The following PDCD6IP variants were observed in gnomAD, a reference collection of about 807,000 sequenced individuals.
PDCD6IP encodes programmed cell death 6 interacting protein.
PDCD6IP carries 43 observed loss-of-function variants against 103.7 expected under a neutral mutation model. The observed-to-expected ratio is 0.41, with a 90% CI of 0.32 to 0.53. The LOEUF is 0.53. PDCD6IP is among the 20% of genes least tolerant of loss of function. The pLI is 0.16. For synonymous variants in PDCD6IP, 354 were observed against 378.7 expected, an observed-to-expected ratio of 0.93 and a Z score of 0.76; for missense variants, 871 against 1,036.7, an observed-to-expected ratio of 0.84 and a Z score of 2.20.
chr3:33,800,503 T>G (rs2125538749), intron 1 of PDCD6IP, among the ~76,000 whole-genome samples: 1 of 152,250 alleles, frequency 6.6e-6, no homozygotes, highest in Admixed American at 6.5e-5. Flanking sequence ...GGGTTGGTTC[T>G]CCGAAGGAAG....
intron 7 of PDCD6IP, chr3:33,835,150 T>A (rs1299719118): frequency 2.2e-6 from 1 of 451,612 alleles, no homozygotes; most frequent in East Asian, 7.0e-5. Context: ...CCTAAATTTG[T>A]ATGCGGCTTA....
At chr3:33,821,084 G>C (rs1696980700) in intron 3 of PDCD6IP, among the ~76,000 whole-genome samples, 1 of 152,054 alleles carries the variant, frequency 6.6e-6, no homozygotes, top group East Asian at 1.9e-4. Context: ...ATAGCTCACT[G>C]CAGCCTTGAA....
chr3:33,830,198 T>C (rs1479699047), intron 7 of PDCD6IP, among the ~76,000 whole-genome samples: 4 of 152,298 alleles, frequency 2.6e-5, no homozygotes, highest in African/African-American at 9.6e-5. Context: ...AGTGACCAAA[T>C]CAGAGAAAGT....
chr3:33,826,978 T>G, intron 6 of PDCD6IP: 6 of 994,880 alleles, frequency 6.0e-6, no homozygotes, highest in Non-Finnish European at 7.2e-6. Flanking sequence ...AGATGAGCCT[T>G]AAAGCGCAAA....
chr3:33,812,629 T>C (rs1295866325), intron 2 of PDCD6IP, among the ~76,000 whole-genome samples: 1 of 152,244 alleles, frequency 6.6e-6, no homozygotes, highest in Non-Finnish European at 1.5e-5. Context: ...TTTTGGAGAT[T>C]GGATAAAGAT....
intron 3 of PDCD6IP, among the ~76,000 whole-genome samples, chr3:33,814,105 T>C (rs1431639254): frequency 6.6e-6 from 1 of 152,010 alleles, no homozygotes; most frequent in Non-Finnish European, 1.5e-5. Context: ...AATTTTCTTA[T>C]CTGTGAAATG....
intron 1 of PDCD6IP, among the ~76,000 whole-genome samples, chr3:33,808,256 A>C (rs1359196716): frequency 6.6e-6 from 1 of 152,214 alleles, no homozygotes; most frequent in East Asian, 1.9e-4. Flanking sequence ...AGGGGCAACT[A>C]ATTTTAAAAA....
At chr3:33,863,960 A>C (rs1249407278) in intron 15 of PDCD6IP, 46 bp from the exon 16 acceptor site, 1 of 1,292,350 alleles carries the variant, frequency 7.7e-7, no homozygotes, top group African/African-American at 1.5e-5. Flanking sequence ...TATGTGTGTT[A>C]ATTTTTTTCT....
intron 15 of PDCD6IP, among the ~76,000 whole-genome samples, chr3:33,863,056 G>A (rs28577228): frequency 0.3 from 44,810 of 151,834 alleles, 6,850 homozygotes; most frequent in East Asian, 0.41. Context: ...AGTATATTTT[G>A]TTTTTTTCAG....
chr3:33,813,340 C>G, intron 2 of PDCD6IP: 1 of 426,388 alleles, frequency 2.3e-6, no homozygotes, highest in Non-Finnish European at 4.2e-6. Flanking sequence ...TTTATGATTA[C>G]CAAGGCAGAA....
chr3:33,842,037 C>A lies in PDCD6IP; in HGVS notation c.1322C>A (p.Pro441His), dbSNP rs747564125. 11 of 1,612,892 alleles carry A rather than the reference C, an allele frequency of 6.8e-6. No homozygotes were observed. Among genetic ancestry groups the A allele is most frequent in the Non-Finnish European group, 9.3e-6 (11 of 1,179,314 alleles). Residue 441 changes from proline to histidine, a missense_variant, in exon 10 of 18, where the codon CCT (proline) becomes CAT (histidine). Pro to His is a moderately conservative substitution (Grantham distance 77). Coordinates refer to ENST00000307296, the MANE Select transcript of PDCD6IP (RefSeq NM_013374.6). ...QTVDQLIKEL[P>H]ELLQRNREIL... Reference sequence around the variant, plus strand: ...GTTGATCAGTTGATTAAAGAACTGCCTGAATTACTGCAACGAAATAGAGAA... The same window carrying A: ...GTTGATCAGTTGATTAAAGAACTGCATGAATTACTGCAACGAAATAGAGAA...
chr3:33,819,097 G>A (rs1437677337), intron 3 of PDCD6IP, among the ~76,000 whole-genome samples: 3 of 151,340 alleles, frequency 2.0e-5, no homozygotes, highest in Non-Finnish European at 2.9e-5. Context: ...TCTTTCTTTG[G>A]AATACTTTAT....
At chr3:33,831,496 CTTAA>C (rs892178554) in intron 7 of PDCD6IP, among the ~76,000 whole-genome samples, 96 of 152,088 alleles carry the variant, frequency 6.3e-4, no homozygotes, top group African/African-American at 2.2e-3. Context: ...AAAAATAGTA[CTTAA>C]TTATGTGTTT....
Position 33,842,012 on chromosome 3 carries a change from G to A in PDCD6IP, c.1297G>A (p.Val433Ile). The A allele has an allele frequency of 1.9e-6, 3 of 1,611,882 alleles. No individual in the cohort carries two copies. The highest frequency in any genetic ancestry group is 1.7e-5 in the Admixed American group (1 of 59,994). ...GATTGAACAGGGAGGCATCCAGACT[G>A]TTGATCAGTTGATTAAAGAACTGCC... ...SVIEQGGIQT[V>I]DQLIKELPEL... The change falls in exon 10 of 18, where the codon GTT (valine) becomes ATT (isoleucine). Residue 433 changes from valine to isoleucine, a missense_variant. By Grantham distance (29) the Val-to-Ile change is conservative. Transcript: ENST00000307296.
intron 11 of PDCD6IP, among the ~76,000 whole-genome samples, chr3:33,844,980 G>T (rs1243000230): frequency 6.6e-6 from 1 of 151,608 alleles, no homozygotes; most frequent in Non-Finnish European, 1.5e-5. Flanking sequence ...GGTGGCTGGA[G>T]ATTAGTTTTA....
chr3:33,865,319 C>T lies in PDCD6IP; in HGVS notation c.2321C>T (p.Pro774Leu), dbSNP rs1698038899. 6.3e-7 allele frequency: 1 copy of T among 1,595,516 alleles called. No individual in the cohort carries two copies. The highest frequency in any genetic ancestry group is 1.7e-5 in the Admixed American group (1 of 57,300). Reference sequence around the variant, plus strand: ...AATCGAGCTCCTTCTGCTACTGCTCCATCTCCAGTGGGGGCTGGGACTGCT... The same window carrying T: ...AATCGAGCTCCTTCTGCTACTGCTCTATCTCCAGTGGGGGCTGGGACTGCT... ...PANRAPSATA[P>L]SPVGAGTAAP... The change falls in exon 17 of 18, where the codon CCA becomes CTA. Residue 774 changes from proline to leucine, a missense_variant. By Grantham distance (98) the Pro-to-Leu change is moderately conservative (BLOSUM62 -3). This residue lies in a region of PDCD6IP where 202 missense variants were observed against 205.2 expected (regional missense o/e 0.98). Transcript: ENST00000307296.
At chr3:33,811,954 T>G in intron 1 of PDCD6IP, 118 bp from the exon 2 acceptor site, 1 of 1,341,916 alleles carries the variant, frequency 7.5e-7, no homozygotes, top group Non-Finnish European at 9.7e-7. Flanking sequence ...TTTTTTCATA[T>G]AAAATAGCTG....
At chr3:33,810,332 A>T (rs1332476903) in intron 1 of PDCD6IP, among the ~76,000 whole-genome samples, 1 of 152,048 alleles carries the variant, frequency 6.6e-6, no homozygotes, top group African/African-American at 2.4e-5. Flanking sequence ...GTGCTTAGCC[A>T]TTGGGAGCCC....
chr3:33,831,232 AACACAC>A (rs71805290), intron 7 of PDCD6IP, among the ~76,000 whole-genome samples: 11 of 150,098 alleles, frequency 7.3e-5, no homozygotes, highest in African/African-American at 1.2e-4. Flanking sequence ...AAGATACAGA[AACACAC>A]ACACACACAC....
Sources: allele counts gnomAD v4.1 joint callset (sites outside exome capture counted in the v4.1 genomes callset), GRCh38; gene constraint gnomAD v4.1.1; regional missense constraint gnomAD v4.1.1; transcripts MANE v1.5; gene names NCBI Gene and HGNC (gene_info 2026-07-23, HGNC 2026-07-21).